The following FBXO31 variants were observed in gnomAD, a reference collection of about 807,000 sequenced individuals.
FBXO31 encodes the protein F-box protein 31.
A neutral mutation model predicts 54.4 loss-of-function variants in FBXO31; 24 were observed. That is an observed-to-expected ratio of 0.44 (90% CI 0.32 to 0.62). FBXO31 has a LOEUF of 0.62. FBXO31 is among the 20% of genes least tolerant of loss of function. The pLI is 0.05. For synonymous variants in FBXO31, 388 were observed against 335.6 expected (o/e 1.16, Z -1.71); for missense variants, 665 against 787.1 (o/e 0.84, Z 1.86).
rs1024971901 is a variant in FBXO31 at position 87,329,368 on chromosome 16, G to A, written c.*1920C>T. On this transcript the variant is annotated 3_prime_UTR_variant, in exon 9 of 9. Coordinates refer to ENST00000311635, the MANE Select transcript of FBXO31 (RefSeq NM_024735.5). ...CTGAGATTCCTTTAATCAGAAGCAC[G>A]TGCGTCCCACAGTGTGCTCTTCAAG... The A allele has an allele frequency of 6.6e-6, 1 of 152,292 alleles. No homozygotes were observed. The highest frequency in any genetic ancestry group is 2.4e-5 in the African/African-American group (1 of 41,478). The allele number at this position is 152,292 out of a possible 1,614,324, so 9.4% of individuals were successfully genotyped here.
In FBXO31 at chr16:87,358,682, G is replaced by A. The variant is rs1178130502; in HGVS notation, c.412+1613C>T. Among the ~76,000 whole-genome samples the A allele has an allele frequency of 2.0e-5, 3 of 152,126 alleles. No homozygotes were observed. Among genetic ancestry groups the A allele is most frequent in the Admixed American group, 6.6e-5 (1 of 15,266 alleles). On this transcript the variant is annotated intron_variant, in intron 2 of 8. Coordinates refer to ENST00000311635, the MANE Select transcript of FBXO31 (RefSeq NM_024735.5). This position sits in a 1 kb window ranked among gnomAD's most constrained non-coding sequence, Gnocchi z 4.0. ...GCTGGAGAGAACAACACTGTGACAC[G>A]TTTTCCTTCCATCAGTGGTGCCACC...
intron 1 of FBXO31, among the ~76,000 whole-genome samples, chr16:87,382,938 C>A (rs1907148456): frequency 6.6e-6 from 1 of 152,096 alleles, no homozygotes; most frequent in African/African-American, 2.4e-5. Context: ...CCGGCCTGCT[C>A]CCATTTCTTC....
Position 87,343,637 on chromosome 16 carries a change from G to A in FBXO31, c.618C>T (p.Cys206=). 6.2e-7 allele frequency: 1 copy of A among 1,613,652 alleles called. No homozygotes were observed. The highest frequency in any genetic ancestry group is 8.5e-7 in the Non-Finnish European group (1 of 1,179,794). The change falls in exon 4 of 9, where the codon TGC becomes TGT. Residue 206 remains cysteine, a synonymous_variant. Coordinates refer to ENST00000311635, the MANE Select transcript of FBXO31 (RefSeq NM_024735.5). ...LMERKAATVE[C]MYGHKGPHHG... ...GGTGGGGCCCTTTGTGGCCGTACATGCACTCCACTGTGGCAGCCTTCCTCT... is the reference window on the plus strand; with the variant it reads ...GGTGGGGCCCTTTGTGGCCGTACATACACTCCACTGTGGCAGCCTTCCTCT...
chr16:87,340,049 G>A (rs966371162), intron 5 of FBXO31, among the ~76,000 whole-genome samples: 3 of 152,160 alleles, frequency 2.0e-5, no homozygotes, highest in East Asian at 1.9e-4. Context: ...TTGGGAGGCC[G>A]AGGTGGGCGG....
chr16:87,371,558 C>A (rs1386112574), intron 1 of FBXO31, among the ~76,000 whole-genome samples: 1 of 152,272 alleles, frequency 6.6e-6, no homozygotes, highest in Non-Finnish European at 1.5e-5. Context: ...CTCTCCATCA[C>A]CCCGGTGGCC....
chr16:87,332,715 T>C (rs1387635477), intron 8 of FBXO31, among the ~76,000 whole-genome samples: 8 of 43,452 alleles, frequency 1.8e-4, no homozygotes, highest in Admixed American at 5.9e-4. Context: ...TGTGGCACCC[T>C]TCCCCCCACC....
At position 87,383,497 on chromosome 16, in the gene FBXO31, G is replaced by C; in HGVS notation, c.248C>G (p.Pro83Arg). 3 of 1,587,706 alleles carry C rather than the reference G, an allele frequency of 1.9e-6. No individual in the cohort carries two copies. Among genetic ancestry groups the C allele is most frequent in the Non-Finnish European group, 2.6e-6 (3 of 1,170,726 alleles). The change falls in exon 1 of 9, where the codon CCG becomes CGG. Residue 83 changes from proline to arginine, a missense_variant. Transcript: ENST00000311635. This position sits in a 1 kb window ranked among gnomAD's most constrained non-coding sequence, Gnocchi z 4.9. ...GGCCAAGCTGGGTAGGTCCGTGCCC[G>C]GCAGCGACGCGAAGATCTCCACCAG... ...ELLVEIFASLPGTDLPSLAQV... is the reference protein window; with the variant it reads ...ELLVEIFASLRGTDLPSLAQV...
chr16:87,380,834 C>T (rs1036605244), intron 1 of FBXO31, among the ~76,000 whole-genome samples: 1 of 152,244 alleles, frequency 6.6e-6, no homozygotes, highest in African/African-American at 2.4e-5. Context: ...ACATCTCCAT[C>T]AGGACTTTTC....
upstream of FBXO31, among the ~76,000 whole-genome samples, chr16:87,386,473 C>T (rs1052530094): frequency 1.3e-5 from 2 of 152,204 alleles, no homozygotes; most frequent in African/African-American, 2.4e-5. Flanking sequence ...CACTCTGTCA[C>T]CCAGGCTGGA....
intron 1 of FBXO31, among the ~76,000 whole-genome samples, chr16:87,368,624 CTTTT>C (rs201112757): frequency 3.0e-5 from 4 of 133,670 alleles, no homozygotes; most frequent in Admixed American, 7.6e-5. Flanking sequence ...AATCTATTTC[CTTTT>C]TTTTTTTTTT....
rs1427219032 is a variant in FBXO31, at chr16:87,358,896, C to T, written c.412+1399G>A. On this transcript the variant is annotated intron_variant, in intron 2 of 8. Transcript: ENST00000311635. This position sits in a 1 kb window ranked among gnomAD's most constrained non-coding sequence, Gnocchi z 4.0. ...GAACACTTACCCCGGCTAACATACT[C>T]ACTTTGCCCAGCACCCACCTGGCGT... Among the ~76,000 whole-genome samples, 1 of 152,186 alleles carries T rather than the reference C, an allele frequency of 6.6e-6. No homozygotes were observed. The highest frequency in any genetic ancestry group is 1.5e-5 in the Non-Finnish European group (1 of 68,026).
At chr16:87,348,021 C>A (rs2150677545) in intron 2 of FBXO31, among the ~76,000 whole-genome samples, 1 of 152,354 alleles carries the variant, frequency 6.6e-6, no homozygotes, top group East Asian at 1.9e-4. Context: ...GGCCATCTCA[C>A]TTCCTGAGCA....
At position 87,358,450 on chromosome 16, in the gene FBXO31, CAGGG is replaced by C. The variant is rs2150684778; in HGVS notation, c.412+1841_412+1844del. ...TCTCTGTACGCCATGTGCTCATAATCAGGGAGAATTTTCACAAAACGTCCCGACT... is the reference window on the plus strand; with the variant it reads ...TCTCTGTACGCCATGTGCTCATAATCAGAATTTTCACAAAACGTCCCGACT... On this transcript the variant is annotated intron_variant, in intron 2 of 8. Transcript: ENST00000311635. This position sits in a 1 kb window ranked among gnomAD's most constrained non-coding sequence, Gnocchi z 4.0. 6.5e-6 allele frequency: 1 copy of C among 152,774 alleles called. No homozygotes were observed. The highest frequency in any genetic ancestry group is 1.9e-4 in the East Asian group (1 of 5,182). 9.5% of individuals were successfully genotyped at this position (152,774 alleles called of 1,614,324 possible).
At chr16:87,339,639 C>T (rs973407558) in intron 5 of FBXO31, among the ~76,000 whole-genome samples, 3 of 152,288 alleles carry the variant, frequency 2.0e-5, no homozygotes, top group East Asian at 1.9e-4. Flanking sequence ...CGGGACGAGC[C>T]GAGGGAGTAT....
At chr16:87,355,756 G>A (rs902497713) in intron 2 of FBXO31, among the ~76,000 whole-genome samples, 6 of 152,182 alleles carry the variant, frequency 3.9e-5, no homozygotes, top group Admixed American at 2.0e-4. Flanking sequence ...GCCCGGCAGC[G>A]TGGGGAGGAG....
At chr16:87,375,682 G>A (rs11649260) in intron 1 of FBXO31, among the ~76,000 whole-genome samples, 79,743 of 151,896 alleles carry the variant, frequency 0.52, 22,933 homozygotes, top group African/African-American at 0.68. Context: ...GGAACTGCCA[G>A]AGGCCGAGGG....
chr16:87,383,928 A>T (rs925250259), upstream of FBXO31: 5 of 300,886 alleles, frequency 1.7e-5, no homozygotes, highest in African/African-American at 9.0e-5. This position sits in a 1 kb window ranked among gnomAD's most constrained non-coding sequence, Gnocchi z 4.9. Flanking sequence ...GACCTCAGAG[A>T]CCCCGCACTG....
intron 2 of FBXO31, among the ~76,000 whole-genome samples, chr16:87,348,294 T>C (rs1056683505): frequency 6.6e-6 from 1 of 152,198 alleles, no homozygotes. Flanking sequence ...CTCCGGCCCC[T>C]GCACTGTATC....
chr16:87,363,019 C>T (rs185783726), intron 1 of FBXO31, among the ~76,000 whole-genome samples: 296 of 152,260 alleles, frequency 1.9e-3, no homozygotes, highest in African/African-American at 5.9e-3. Flanking sequence ...GCCCAAGGGC[C>T]GCTCTGACAA....
Sources: allele counts gnomAD v4.1 joint callset (sites outside exome capture counted in the v4.1 genomes callset), GRCh38; gene constraint gnomAD v4.1.1; non-coding constraint Gnocchi (gnomAD v3.1); transcripts MANE v1.5; gene names NCBI Gene and HGNC (gene_info 2026-07-23, HGNC 2026-07-21).